Variants in LRRC51 observed in about 807,000 individuals in gnomAD.
The protein encoded by LRRC51 is leucine-rich repeat-containing protein 51.
Under a neutral mutation model 17.8 loss-of-function variants are expected in LRRC51, and 8 were observed. The observed-to-expected ratio is 0.45, with a 90% CI of 0.26 to 0.81. The LOEUF (loss-of-function observed/expected upper bound fraction) is 0.81. Among genes scored for constraint, LRRC51 ranks in the 30% least tolerant of loss-of-function variants. The pLI, the probability that LRRC51 is intolerant of heterozygous loss-of-function variation, is 0.17. For missense variants in LRRC51, 233 were observed against 239.3 expected, an observed-to-expected ratio of 0.97 and a Z score of 0.17; for synonymous variants, 92 against 96.0, an observed-to-expected ratio of 0.96 and a Z score of 0.24.
In LRRC51 at chr11:72,096,774, G is replaced by T. The variant is rs908380203; in HGVS notation, c.*1254G>T. 2.8e-6 allele frequency: 4 copies of T among 1,448,016 alleles called. No homozygotes were observed. The highest frequency in any genetic ancestry group is 3.5e-4 in the Middle Eastern group (2 of 5,654). The allele number at this position is 1,448,016 out of a possible 1,614,324, so 89.7% of individuals were successfully genotyped here. ...ACAGGCCTCCATGACAGGCCAAGAA[G>T]ATGGCCTATGATCTCTGAAACCAGC... is the stretch of plus-strand genomic sequence containing the variant. On this transcript the variant is annotated 3_prime_UTR_variant, in exon 6 of 6. Coordinates refer to ENST00000289488, the MANE Select transcript of LRRC51 (RefSeq NM_145309.6).
chr11:72,090,108 T>C lies in LRRC51; in HGVS notation c.82+943T>C, dbSNP rs371158011. 5.9e-5 allele frequency among the ~76,000 whole-genome samples: 9 copies of C among 152,354 alleles called. No homozygotes were observed. In the East Asian group the frequency reaches 1.7e-3, roughly 29 times the overall value. Reference sequence around the variant, plus strand: ...GTCTTAGATTGGGTTTAGGGTCTACTTGGGTTATCATCAGCCACAGTGGTA... The same window carrying C: ...GTCTTAGATTGGGTTTAGGGTCTACCTGGGTTATCATCAGCCACAGTGGTA... On this transcript the variant is annotated intron_variant, in intron 3 of 5. Coordinates refer to ENST00000289488, the MANE Select transcript of LRRC51 (RefSeq NM_145309.6).
intron 1 of LRRC51, among the ~76,000 whole-genome samples, chr11:72,083,365 C>CCT (rs1351185349): frequency 1.3e-5 from 2 of 152,196 alleles, no homozygotes; most frequent in Non-Finnish European, 2.9e-5. Flanking sequence ...CACACCACCC[C>CCT]CTACCCCATA....
At chr11:72,086,363 G>A in intron 1 of LRRC51, 2 of 700,946 alleles carry the variant, frequency 2.9e-6, no homozygotes, top group South Asian at 3.0e-5. Flanking sequence ...GTCAGGCACA[G>A]AGCAGCAAGC....
Position 72,085,725 on chromosome 11 carries a change from C to CT in LRRC51, c.-139-2571dup, listed in dbSNP as rs1944492626. ...AGATAATAAACATTTATTATTGCTT[C>CT]TAAGTCTTAGAGTCAGCTGGAGGGT... On this transcript the variant is annotated intron_variant, in intron 1 of 5. Transcript: ENST00000289488. Among the ~76,000 whole-genome samples, 4 of 152,286 alleles carry CT rather than the reference C, an allele frequency of 2.6e-5. No homozygotes were observed. In the South Asian group the frequency reaches 8.3e-4, roughly 32 times the overall value.
chr11:72,088,514 TG>T, intron 2 of LRRC51, 134 bp downstream of exon 2: 1 of 664,956 alleles, frequency 1.5e-6, no homozygotes, highest in South Asian at 1.6e-5. Flanking sequence ...GCGGAGAAGG[TG>T]GCAAATCCCC....
In LRRC51 at chr11:72,095,506, C is replaced by G; in HGVS notation, c.565C>G (p.Gln189Glu). ...NIKPKKAWTK[Q>E]NTL ...CAAGCCCAAGAAGGCCTGGACCAAG[C>G]AGAATACACTTTGAGGCTCCCACGA... The change falls in exon 6 of 6, where the codon CAG (glutamine) becomes GAG (glutamate). Residue 189 changes from glutamine (Q) to glutamate (E), a missense_variant. Transcript: ENST00000289488. 6.2e-7 allele frequency: 1 copy of G among 1,613,874 alleles called. No homozygotes were observed. Among genetic ancestry groups the G allele is most frequent in the East Asian group, 2.2e-5 (1 of 44,860 alleles).
chr11:72,095,740 T>G lies in LRRC51; in HGVS notation c.*220T>G. 1 of 1,216,788 alleles carries G rather than the reference T, an allele frequency of 8.2e-7. No individual in the cohort carries two copies. The highest frequency in any genetic ancestry group is 2.5e-4 in the Middle Eastern group (1 of 4,038). The allele number at this position is 1,216,788 out of a possible 1,614,324, so 75.4% of individuals were successfully genotyped here. A position where few individuals can be genotyped will look rare whatever the true frequency, so the allele number is the denominator to read the frequency against. Reference sequence around the variant, plus strand: ...CAGGCTGGAGTGCAGTGGCACGATCTTGGCTCACTGCAACCTCAGCCTCCC... The same window carrying G: ...CAGGCTGGAGTGCAGTGGCACGATCGTGGCTCACTGCAACCTCAGCCTCCC... On this transcript the variant is annotated 3_prime_UTR_variant, in exon 6 of 6. Transcript: ENST00000289488.
At chr11:72,086,140 G>C (rs1353167166) in intron 1 of LRRC51, 4 of 460,008 alleles carry the variant, frequency 8.7e-6, no homozygotes, top group African/African-American at 2.0e-5. Flanking sequence ...CCTAACACAG[G>C]ACACATTAAC....
At position 72,096,563 on chromosome 11, in the gene LRRC51, G is replaced by C; in HGVS notation, c.*1043G>C. On this transcript the variant is annotated 3_prime_UTR_variant, in exon 6 of 6. Coordinates refer to ENST00000289488, the MANE Select transcript of LRRC51 (RefSeq NM_145309.6). ...GCTCTAGTCTTATTTTGCTGAAAAA[G>C]GGAGGCAATTGAGGGAAAGGCCTGC... 1.5e-6 allele frequency: 2 copies of C among 1,370,100 alleles called. No individual in the cohort carries two copies. Among genetic ancestry groups the C allele is most frequent in the Non-Finnish European group, 1.9e-6 (2 of 1,060,748 alleles). 84.9% of individuals were successfully genotyped at this position (1,370,100 alleles called of 1,614,324 possible). A position where few individuals can be genotyped will look rare whatever the true frequency, so the allele number is the denominator to read the frequency against.
intron 1 of LRRC51, chr11:72,085,341 AT>A (rs1944471998): frequency 6.7e-6 from 1 of 149,554 alleles, no homozygotes; most frequent in African/African-American, 2.5e-5. Context: ...TCATTTTTCC[AT>A]TGTCCATCCA....
Position 72,088,396 on chromosome 11 carries a change from ACT to A in LRRC51, c.-56+19_-56+20del, listed in dbSNP as rs1164501498. ...TCAGTGACAGGTGAGTGAGAGGTAG[ACT>A]CTGGTTTTGTGTGTGTGTATGTTTA... On this transcript the variant is annotated intron_variant, in intron 2 of 5. Coordinates refer to ENST00000289488, the MANE Select transcript of LRRC51 (RefSeq NM_145309.6). The A allele has an allele frequency of 1.4e-6, 1 of 702,192 alleles. No homozygotes were observed. Among genetic ancestry groups the A allele is most frequent in the African/African-American group, 1.7e-5 (1 of 57,176 alleles). 43.5% of individuals were successfully genotyped at this position (702,192 alleles called of 1,614,324 possible).
chr11:72,094,358 TCTAA>T lies in LRRC51; in HGVS notation c.289-587_289-584del, dbSNP rs542385096. 4.4e-3 allele frequency: 1,193 copies of T among 268,454 alleles called. 7 individuals carry two copies. The highest frequency in any genetic ancestry group is 6.7e-3 in the Non-Finnish European group (959 of 142,408). 16.6% of individuals were successfully genotyped at this position (268,454 alleles called of 1,614,324 possible). On this transcript the variant is annotated intron_variant, in intron 4 of 5. Coordinates refer to ENST00000289488, the MANE Select transcript of LRRC51 (RefSeq NM_145309.6). Reference sequence around the variant, plus strand: ...GGTACATCAGAGGCTGAAGTAAAATTCTAACTGTCACTGCGCACCCACTGTGACC... The same window carrying T: ...GGTACATCAGAGGCTGAAGTAAAATTCTGTCACTGCGCACCCACTGTGACC...
intron 1 of LRRC51, among the ~76,000 whole-genome samples, chr11:72,084,916 T>C (rs567217962): frequency 1.8e-3 from 57 of 30,926 alleles, no homozygotes; most frequent in Non-Finnish European, 4.5e-3. Flanking sequence ...AAAACCTTAT[T>C]AGCTATACAT....
intron 3 of LRRC51, chr11:72,089,721 C>T (rs149059223): frequency 1.4e-5 from 8 of 579,826 alleles, no homozygotes; most frequent in Middle Eastern, 7.2e-4. Flanking sequence ...TTCTTACACT[C>T]ATTCCAGCCA....
chr11:72,084,930 A>AGGG (rs67772371), intron 1 of LRRC51, among the ~76,000 whole-genome samples: 2 of 1,584 alleles, frequency 1.3e-3, no homozygotes, highest in Admixed American at 5.0e-3. Flanking sequence ...TATACATTCT[A>AGGG]GGTTATATTC....
At chr11:72,085,941 G>A (rs1453713981) in intron 1 of LRRC51, 3 of 153,744 alleles carry the variant, frequency 2.0e-5, no homozygotes, top group Admixed American at 6.5e-5. Context: ...TGTTCTCATG[G>A]CACTGGCAAA....
At chr11:72,086,382 A>G (rs1018841288) in intron 1 of LRRC51, 4 of 701,870 alleles carry the variant, frequency 5.7e-6, no homozygotes, top group Non-Finnish European at 1.0e-5. Flanking sequence ...GCACTCAACA[A>G]ATGTTTGCTG....
At chr11:72,084,312 TGAGA>T (rs1381275523) in intron 1 of LRRC51, among the ~76,000 whole-genome samples, 1 of 152,182 alleles carries the variant, frequency 6.6e-6, no homozygotes, top group Non-Finnish European at 1.5e-5. Flanking sequence ...GCAACTTGCC[TGAGA>T]GAGGGCAGGA....
chr11:72,084,763 G>A (rs550084988), intron 1 of LRRC51, among the ~76,000 whole-genome samples: 8 of 151,470 alleles, frequency 5.3e-5, no homozygotes, highest in African/African-American at 1.9e-4. Flanking sequence ...CCTCAGCCCA[G>A]GAGGCAGAGG....
Sources: gnomAD v4.1 joint callset for allele counts (sites outside exome capture counted in the v4.1 genomes callset) on GRCh38, gnomAD v4.1.1 for gene constraint, MANE v1.5 for transcripts, NCBI Gene and HGNC (gene_info 2026-07-23, HGNC 2026-07-21) for gene names.